GALNT13: variants seen among roughly 807,000 people sequenced by gnomAD.
GALNT13 encodes the protein polypeptide N-acetylgalactosaminyltransferase 13.
Under a neutral mutation model 64.2 loss-of-function variants are expected in GALNT13, and 28 were observed. The observed-to-expected ratio is 0.44, with a 90% CI of 0.32 to 0.60. The LOEUF (loss-of-function observed/expected upper bound fraction) is 0.60, where lower values mean the gene tolerates loss of function less well. Ranked by LOEUF, GALNT13 falls within the 20% of genes least tolerant of loss-of-function variation. The pLI, the probability that GALNT13 is intolerant of heterozygous loss-of-function variation, is 0.05. For synonymous variants in GALNT13, 214 were observed against 224.6 expected, an observed-to-expected ratio of 0.95 and a Z score of 0.42; for missense variants, 577 against 669.8, an observed-to-expected ratio of 0.86 and a Z score of 1.53.
At chr2:153,819,128 A>C in the GALNT13 span, among the ~76,000 whole-genome samples, 3 of 152,084 alleles carry the variant, frequency 2.0e-5, no homozygotes, top group Non-Finnish European at 4.4e-5. Flanking sequence ...CAACCATCCA[A>C]TATCACCACA....
the GALNT13 span, among the ~76,000 whole-genome samples, chr2:153,727,833 C>T: frequency 1.3e-5 from 2 of 151,976 alleles, no homozygotes; most frequent in African/African-American, 4.8e-5. Flanking sequence ...AGCCAATCAA[C>T]CCGTCATTCA....
At chr2:153,913,998 A>G (rs988544531) in intron 2 of GALNT13, among the ~76,000 whole-genome samples, 2 of 152,300 alleles carry the variant, frequency 1.3e-5, no homozygotes, top group African/African-American at 4.8e-5. Flanking sequence ...GCCCTTGCAT[A>G]TAGTAGATTG....
At chr2:153,772,259 A>T in the GALNT13 span, among the ~76,000 whole-genome samples, 1 of 152,226 alleles carries the variant, frequency 6.6e-6, no homozygotes, top group African/African-American at 2.4e-5. Context: ...GCCTGAATTG[A>T]AAATGATTTC....
chr2:154,222,028 A>C (rs930211368), intron 4 of GALNT13, among the ~76,000 whole-genome samples: 1 of 152,068 alleles, frequency 6.6e-6, no homozygotes, highest in Admixed American at 6.6e-5. Flanking sequence ...TTAAAATGCT[A>C]TGGGTGGGTG....
chr2:153,722,024 A>G, the GALNT13 span, among the ~76,000 whole-genome samples: 1 of 149,002 alleles, frequency 6.7e-6, no homozygotes, highest in Non-Finnish European at 1.5e-5. Context: ...GCACCACACC[A>G]CACCTATTCC....
the GALNT13 span, among the ~76,000 whole-genome samples, chr2:153,706,237 C>T: frequency 1.3e-5 from 2 of 152,094 alleles, no homozygotes; most frequent in African/African-American, 4.8e-5. Context: ...CCTCGTGATC[C>T]ACCCACCTCG....
the GALNT13 span, among the ~76,000 whole-genome samples, chr2:153,168,415 G>A: frequency 6.6e-6 from 1 of 152,032 alleles, no homozygotes; most frequent in Admixed American, 6.6e-5. Flanking sequence ...GATTTATTGA[G>A]TCATAATTGA....
chr2:153,345,682 T>TCTTTCTTG, the GALNT13 span, among the ~76,000 whole-genome samples: 4 of 145,592 alleles, frequency 2.7e-5, no homozygotes, highest in East Asian at 8.2e-4. Flanking sequence ...TTTCTTTCTT[T>TCTTTCTTG]CTTTCTTTCT....
the GALNT13 span, among the ~76,000 whole-genome samples, chr2:153,574,369 T>C: frequency 9.2e-5 from 14 of 152,156 alleles, no homozygotes; most frequent in Non-Finnish European, 1.8e-4. Context: ...TATAACCTTC[T>C]TGCAGATATT....
intron 3 of GALNT13, among the ~76,000 whole-genome samples, chr2:154,058,001 G>T (rs989874988): frequency 1.3e-5 from 2 of 152,160 alleles, no homozygotes; most frequent in African/African-American, 2.4e-5. Context: ...GGAAGATATT[G>T]TTATGGACTG....
At chr2:154,042,161 G>A (rs1699015227) in intron 3 of GALNT13, among the ~76,000 whole-genome samples, 1 of 139,830 alleles carries the variant, frequency 7.2e-6, no homozygotes, top group Non-Finnish European at 1.6e-5. Flanking sequence ...AGATTTTGAT[G>A]GCTGGAAAGA....
chr2:154,193,046 A>G (rs925349103), intron 4 of GALNT13, among the ~76,000 whole-genome samples: 6 of 152,222 alleles, frequency 3.9e-5, no homozygotes, highest in Admixed American at 2.0e-4. Flanking sequence ...CATTTTGACT[A>G]AACTATTAGT....
intron 9 of GALNT13, among the ~76,000 whole-genome samples, chr2:154,359,801 G>A (rs1261495302): frequency 1.3e-5 from 2 of 152,024 alleles, no homozygotes; most frequent in Non-Finnish European, 2.9e-5. Flanking sequence ...GGAGCAGATG[G>A]GTATGTAAAG....
Position 153,891,099 on chromosome 2 carries a change from G to A in GALNT13, c.-176-9837G>A, listed in dbSNP as rs77999084. Among the ~76,000 whole-genome samples, 12 of 152,124 alleles carry A rather than the reference G, an allele frequency of 7.9e-5. No individual in the cohort carries two copies. In the East Asian group the frequency reaches 2.3e-3, roughly 29 times the overall value. On this transcript the variant is annotated intron_variant, in intron 1 of 12. Transcript: ENST00000392825. Reference sequence around the variant, plus strand: ...TTTGTAGATTAGAAAATCCAGAAAGGCAGTCTAACAGAATTCTTTTTGTGC... The same window carrying A: ...TTTGTAGATTAGAAAATCCAGAAAGACAGTCTAACAGAATTCTTTTTGTGC...
intron 9 of GALNT13, among the ~76,000 whole-genome samples, chr2:154,327,545 A>G (rs373476534): frequency 2.6e-5 from 4 of 151,812 alleles, no homozygotes; most frequent in African/African-American, 9.7e-5. Flanking sequence ...CTTGGGCCCA[A>G]CTCTATGTAG....
intron 9 of GALNT13, among the ~76,000 whole-genome samples, chr2:154,364,188 A>C (rs1697233682): frequency 1.3e-5 from 2 of 151,976 alleles, no homozygotes; most frequent in Non-Finnish European, 2.9e-5. Flanking sequence ...AATAATTTAC[A>C]ACTGTTATAG....
At chr2:154,225,557 A>G (rs1011917488) in intron 4 of GALNT13, among the ~76,000 whole-genome samples, 2 of 152,140 alleles carry the variant, frequency 1.3e-5, no homozygotes, top group African/African-American at 2.4e-5. Context: ...GATATATGTT[A>G]AAGGAAATAG....
the GALNT13 span, among the ~76,000 whole-genome samples, chr2:153,581,860 A>G: frequency 6.6e-6 from 1 of 152,062 alleles, no homozygotes; most frequent in Non-Finnish European, 1.5e-5. Context: ...TTTTGACTAC[A>G]TTTATTTCTT....
the GALNT13 span, among the ~76,000 whole-genome samples, chr2:153,125,510 C>T: frequency 2.0e-5 from 3 of 152,066 alleles, no homozygotes; most frequent in African/African-American, 4.8e-5. Flanking sequence ...TATAATAGTG[C>T]GCAGGACTAA....
Sources: allele counts gnomAD v4.1 joint callset (sites outside exome capture counted in the v4.1 genomes callset), GRCh38; gene constraint gnomAD v4.1.1; transcripts MANE v1.5; gene names NCBI Gene and HGNC (gene_info 2026-07-23, HGNC 2026-07-21).